Variants in ERLIN2 observed in about 807,000 individuals in gnomAD.
ERLIN2 encodes the protein ER lipid raft associated 2.
ERLIN2 carries 22 observed loss-of-function variants against 41.5 expected under a neutral mutation model. The observed-to-expected ratio is 0.53, with a 90% CI of 0.38 to 0.76. The LOEUF is 0.76. Ranked by LOEUF, ERLIN2 falls within the 30% of genes least tolerant of loss-of-function variation. ERLIN2 has a pLI of 0.00. For synonymous variants in ERLIN2, 149 were observed against 150.9 expected, an observed-to-expected ratio of 0.99 and a Z score of 0.09; for missense variants, 247 against 414.3, an observed-to-expected ratio of 0.60 and a Z score of 3.51.
At chr8:37,745,782 C>A in intron 6 of ERLIN2, 1 of 1,441,314 alleles carries the variant, frequency 6.9e-7, no homozygotes, top group Non-Finnish European at 9.1e-7. Context: ...GGTTTGTAGT[C>A]TTTTATCTGT....
chr8:37,739,018 T>G (rs535375049), intron 2 of ERLIN2, among the ~76,000 whole-genome samples: 6 of 149,804 alleles, frequency 4.0e-5, no homozygotes, highest in Admixed American at 2.7e-4. Context: ...ATTTTATTGG[T>G]TTTTTTTTTA....
intron 10 of ERLIN2, 43 bp from the exon 11 acceptor site, chr8:37,753,407 G>A (rs780750203): frequency 1.9e-6 from 3 of 1,550,888 alleles, no homozygotes. Context: ...AAAGAACTCA[G>A]TTTTAGCACT....
intron 6 of ERLIN2, chr8:37,745,230 T>C (rs755968434): frequency 4.7e-5 from 21 of 448,238 alleles, no homozygotes; most frequent in Non-Finnish European, 7.5e-5. Flanking sequence ...AAAGACATGA[T>C]TCATAGTTAA....
chr8:37,743,630 G>C (rs1410543013), intron 4 of ERLIN2, among the ~76,000 whole-genome samples: 1 of 152,106 alleles, frequency 6.6e-6, no homozygotes, highest in African/African-American at 2.4e-5. Context: ...AAACTGTTGG[G>C]GAAATCTGAA....
chr8:37,743,094 T>C (rs1802912023), intron 4 of ERLIN2, among the ~76,000 whole-genome samples: 1 of 152,200 alleles, frequency 6.6e-6, no homozygotes, highest in Non-Finnish European at 1.5e-5. Context: ...TCCCACAAGA[T>C]CGCAGGCCTG....
rs559098437 is a variant in ERLIN2, at chr8:37,753,835, G to A, written c.820-80G>A. ...AAAGTAGGTAGGGGCATAAATATAG[G>A]AAAATTGAAGGGGCACCACTCCCCT... On this transcript the variant is annotated intron_variant, in intron 11 of 11. Coordinates refer to ENST00000519638, the MANE Select transcript of ERLIN2 (RefSeq NM_007175.8). The A allele has an allele frequency of 1.1e-4, 143 of 1,258,406 alleles. 1 individual carries two copies. In the African/African-American group the frequency reaches 1.8e-3, roughly 16 times the overall value. The allele number at this position is 1,258,406 out of a possible 1,614,324, so 78.0% of individuals were successfully genotyped here. A position where few individuals can be genotyped will look rare whatever the true frequency, so the allele number is the denominator to read the frequency against.
At chr8:37,750,891 T>C (rs1157525572) in intron 9 of ERLIN2, among the ~76,000 whole-genome samples, 2 of 152,106 alleles carry the variant, frequency 1.3e-5, no homozygotes, top group Non-Finnish European at 2.9e-5. Flanking sequence ...TGGCTAATTT[T>C]TGTATTTTTA....
chr8:37,737,036 G>C lies in ERLIN2; in HGVS notation c.-16+358G>C, dbSNP rs1439026458. On this transcript the variant is annotated intron_variant, in intron 1 of 11. Coordinates refer to ENST00000519638, the MANE Select transcript of ERLIN2 (RefSeq NM_007175.8). Reference sequence around the variant, plus strand: ...AAATAAGCGCCTCGCAGATGTCCGCGCCCCGGTTACGTTAGACCTGGGAGG... The same window carrying C: ...AAATAAGCGCCTCGCAGATGTCCGCCCCCCGGTTACGTTAGACCTGGGAGG... 3 of 972,608 alleles carry C rather than the reference G, an allele frequency of 3.1e-6. No individual in the cohort carries two copies. In the South Asian group the frequency reaches 1.4e-4, roughly 46 times the overall value. 60.2% of individuals were successfully genotyped at this position (972,608 alleles called of 1,614,324 possible).
At chr8:37,737,683 A>C (rs1802698767) in intron 1 of ERLIN2, 1 of 533,876 alleles carries the variant, frequency 1.9e-6, no homozygotes, top group East Asian at 3.4e-5. Context: ...ATCCGGAGCC[A>C]GTGCTTCCTC....
Position 37,737,931 on chromosome 8 carries a change from G to A in ERLIN2, c.9G>A (p.Gln3=). 6.2e-7 allele frequency: 1 copy of A among 1,614,218 alleles called. No individual in the cohort carries two copies. The highest frequency in any genetic ancestry group is 8.5e-7 in the Non-Finnish European group (1 of 1,180,046). The change falls in exon 2 of 12, where the codon CAG becomes CAA. Residue 3 remains glutamine (Q), a synonymous_variant. Coordinates refer to ENST00000519638, the MANE Select transcript of ERLIN2 (RefSeq NM_007175.8). MA[Q]LGAVVAVASS... Reference sequence around the variant, plus strand: ...AGGATAAAGGCTCACTGATGGCTCAGTTGGGAGCAGTTGTGGCTGTGGCTT... The same window carrying A: ...AGGATAAAGGCTCACTGATGGCTCAATTGGGAGCAGTTGTGGCTGTGGCTT...
In ERLIN2 at chr8:37,754,253, A is replaced by G; in HGVS notation, c.*138A>G. 1.3e-6 allele frequency: 1 copy of G among 754,982 alleles called. No homozygotes were observed. Among genetic ancestry groups the G allele is most frequent in the Non-Finnish European group, 2.3e-6 (1 of 434,368 alleles). The allele number at this position is 754,982 out of a possible 1,614,324, so 46.8% of individuals were successfully genotyped here. A position where few individuals can be genotyped will look rare whatever the true frequency, so the allele number is the denominator to read the frequency against. ...GGTGAAAAAGAAGAAATGAACTTAA[A>G]TCCACTCCCTTTCTAGGGAAAGGAG... On this transcript the variant is annotated 3_prime_UTR_variant, in exon 12 of 12. Transcript: ENST00000519638.
chr8:37,752,595 C>G (rs986006412), intron 10 of ERLIN2, among the ~76,000 whole-genome samples: 5 of 152,194 alleles, frequency 3.3e-5, no homozygotes, highest in Admixed American at 3.3e-4. Flanking sequence ...GTTCCTTCCA[C>G]GCGGGGTCAC....
At chr8:37,743,675 T>C (rs2129673730) in intron 4 of ERLIN2, among the ~76,000 whole-genome samples, 1 of 152,316 alleles carries the variant, frequency 6.6e-6, no homozygotes, top group East Asian at 1.9e-4. Context: ...TACAGAATTA[T>C]TGCTAATTTT....
At chr8:37,736,720 T>A in intron 1 of ERLIN2, 42 bp downstream of exon 1, 1 of 985,696 alleles carries the variant, frequency 1.0e-6, no homozygotes, top group Non-Finnish European at 1.2e-6. Flanking sequence ...TGGGCCTAGC[T>A]GCCGCTCAGG....
In ERLIN2 at chr8:37,737,915, G is replaced by T; in HGVS notation, c.-8G>T. 6.2e-7 allele frequency: 1 copy of T among 1,614,112 alleles called. No individual in the cohort carries two copies. Among genetic ancestry groups the T allele is most frequent in the Non-Finnish European group, 8.5e-7 (1 of 1,180,006 alleles). On this transcript the variant is annotated 5_prime_UTR_variant, in exon 2 of 12. Transcript: ENST00000519638. ...CCCGTGTCTTTTCCCTAGGATAAAG[G>T]CTCACTGATGGCTCAGTTGGGAGCA...
chr8:37,754,332 C>T lies in ERLIN2; in HGVS notation c.*217C>T, dbSNP rs937415391. 1 of 565,056 alleles carries T rather than the reference C, an allele frequency of 1.8e-6. No homozygotes were observed. The allele number at this position is 565,056 out of a possible 1,614,324, so 35.0% of individuals were successfully genotyped here. A position where few individuals can be genotyped will look rare whatever the true frequency, so the allele number is the denominator to read the frequency against. ...TTCAGGTAAGCAGTTTATATGACTT[C>T]CAATAAGATTTGTAAATCATGGGCT... On this transcript the variant is annotated 3_prime_UTR_variant, in exon 12 of 12. Coordinates refer to ENST00000519638, the MANE Select transcript of ERLIN2 (RefSeq NM_007175.8).
Position 37,755,555 on chromosome 8 carries a change from A to ACCCCCCC in ERLIN2, c.*1446_*1447insCCCCCCC. On this transcript the variant is annotated 3_prime_UTR_variant, in exon 12 of 12. Coordinates refer to ENST00000519638, the MANE Select transcript of ERLIN2 (RefSeq NM_007175.8). ...TTGGCCCTGTTATGAGCTGACCCCC[A>ACCCCCCC]CCCCCCACCCCCCACCCCCCCCCCC... The ACCCCCCC allele has an allele frequency of 1.6e-5, 1 of 62,396 alleles. No individual in the cohort carries two copies. The highest frequency in any genetic ancestry group is 3.0e-5 in the Non-Finnish European group (1 of 32,992). 3.9% of individuals were successfully genotyped at this position (62,396 alleles called of 1,614,324 possible). A position where few individuals can be genotyped will look rare whatever the true frequency, so the allele number is the denominator to read the frequency against.
rs1802844666 is a variant in ERLIN2 at position 37,741,345 on chromosome 8, ATTG to A, written c.190-423_190-421del. Among the ~76,000 whole-genome samples, 2 of 152,188 alleles carry A rather than the reference ATTG, an allele frequency of 1.3e-5. No individual in the cohort carries two copies. The highest frequency in any genetic ancestry group is 4.1e-4 in the South Asian group (2 of 4,830). On this transcript the variant is annotated intron_variant, in intron 3 of 11. Coordinates refer to ENST00000519638, the MANE Select transcript of ERLIN2 (RefSeq NM_007175.8). This position sits in a 1 kb window ranked among gnomAD's most constrained non-coding sequence, Gnocchi z 4.8. ...ATTGTTATAATTGTTCTATTTTATTATTGTTGATCACTTACTGTACCTAATTTA... is the reference window on the plus strand; with the variant it reads ...ATTGTTATAATTGTTCTATTTTATTATTGATCACTTACTGTACCTAATTTA...
intron 11 of ERLIN2, among the ~76,000 whole-genome samples, 173 bp downstream of exon 11, chr8:37,753,702 G>T (rs1250766065): frequency 2.0e-5 from 3 of 152,206 alleles, no homozygotes; most frequent in Non-Finnish European, 4.4e-5. Flanking sequence ...TGCCTTGATA[G>T]AAGTTTAGTT....
Sources: allele counts gnomAD v4.1 joint callset (sites outside exome capture counted in the v4.1 genomes callset), GRCh38; gene constraint gnomAD v4.1.1; non-coding constraint Gnocchi (gnomAD v3.1); transcripts MANE v1.5; gene names NCBI Gene and HGNC (gene_info 2026-07-23, HGNC 2026-07-21).